The following GABRG3 variants were observed in gnomAD, a reference collection of about 807,000 sequenced individuals.
GABRG3 encodes gamma-aminobutyric acid receptor subunit gamma-3.
A neutral mutation model predicts 48.8 loss-of-function variants in GABRG3; 25 were observed. That is an observed-to-expected ratio of 0.51 (90% CI 0.37 to 0.72). The LOEUF is 0.72. GABRG3 is among the 30% of genes least tolerant of loss of function. GABRG3 has a pLI of 0.00. For missense variants in GABRG3, 394 were observed against 577.9 expected, an observed-to-expected ratio of 0.68 and a Z score of 3.26; for synonymous variants, 227 against 217.6, an observed-to-expected ratio of 1.04 and a Z score of -0.38.
intron 7 of GABRG3, among the ~76,000 whole-genome samples, chr15:27,525,352 T>A (rs1182903486): frequency 6.6e-6 from 1 of 152,204 alleles, no homozygotes; most frequent in Non-Finnish European, 1.5e-5. Flanking sequence ...AAGCATCCTA[T>A]ATGTACTAGA....
intron 5 of GABRG3, among the ~76,000 whole-genome samples, chr15:27,465,171 A>G (rs979230814): frequency 8.5e-5 from 13 of 152,176 alleles, no homozygotes; most frequent in African/African-American, 2.7e-4. Context: ...TCCCCTTGCC[A>G]CGTCAGCCCA....
intron 2 of GABRG3, 57 bp from the exon 3 acceptor site, chr15:27,026,697 C>A: frequency 1.5e-6 from 2 of 1,294,434 alleles, no homozygotes; most frequent in South Asian, 1.3e-5. Flanking sequence ...CTTGAATGTG[C>A]TCTCCTCTGT....
intron 5 of GABRG3, among the ~76,000 whole-genome samples, chr15:27,459,062 T>TCCCCAGAAATACTTC (rs572229215): frequency 1.2e-3 from 181 of 152,278 alleles, no homozygotes; most frequent in African/African-American, 4.2e-3. Flanking sequence ...TCTCCACCTT[T>TCCCCAGAAATACTTC]CCCCAGAAAT....
intron 6 of GABRG3, among the ~76,000 whole-genome samples, chr15:27,487,126 AC>A (rs1301562534): frequency 2.0e-5 from 3 of 152,102 alleles, no homozygotes; most frequent in Admixed American, 6.6e-5. Flanking sequence ...AATCTTTCAA[AC>A]CCACTGTGAG....
chr15:27,117,867 G>A (rs1897669255), intron 3 of GABRG3, among the ~76,000 whole-genome samples: 1 of 152,190 alleles, frequency 6.6e-6, no homozygotes, highest in South Asian at 2.1e-4. Flanking sequence ...ATGCCCTCTA[G>A]AGAAAGGGGC....
At chr15:27,042,681 C>T (rs17562214) in intron 3 of GABRG3, among the ~76,000 whole-genome samples, 34,845 of 152,244 alleles carry the variant, frequency 0.23, 4,334 homozygotes, top group Middle Eastern at 0.36. Context: ...CCCAAACTCC[C>T]GGTGCCTGGG....
At chr15:27,303,752 G>A (rs1892294598) in intron 3 of GABRG3, among the ~76,000 whole-genome samples, 2 of 148,912 alleles carry the variant, frequency 1.3e-5, no homozygotes, top group South Asian at 2.1e-4. Flanking sequence ...ATCCGTGTGT[G>A]TATATATATA....
At position 26,971,730 on chromosome 15, in the gene GABRG3, T is replaced by C. The variant is rs74006541; in HGVS notation, c.53+142T>C. 3,959 of 891,314 alleles carry C rather than the reference T, an allele frequency of 4.4e-3. 129 individuals carry two copies. In the African/African-American group the frequency reaches 0.064, roughly 14 times the overall value. 55.2% of individuals were successfully genotyped at this position (891,314 alleles called of 1,614,324 possible). A position where few individuals can be genotyped will look rare whatever the true frequency, so the allele number is the denominator to read the frequency against. ...GGCCGGGAGGGGACTGGGAAGTCGG[T>C]CTGCACCTCACCTGTCCCAGCTCCC... On this transcript the variant is annotated intron_variant, in intron 1 of 9. Transcript: ENST00000615808.
intron 2 of GABRG3, among the ~76,000 whole-genome samples, chr15:26,989,788 C>T (rs1895214945): frequency 6.6e-6 from 1 of 152,110 alleles, no homozygotes; most frequent in Non-Finnish European, 1.5e-5. Flanking sequence ...CCTCACCACC[C>T]TTCCCAGCCT....
intron 5 of GABRG3, among the ~76,000 whole-genome samples, chr15:27,334,721 A>G (rs1374411983): frequency 1.3e-5 from 2 of 152,214 alleles, no homozygotes; most frequent in African/African-American, 4.8e-5. Flanking sequence ...AATAAGCTTG[A>G]ACTTATACGA....
intron 3 of GABRG3, among the ~76,000 whole-genome samples, chr15:27,197,577 G>A (rs539965945): frequency 1.1e-3 from 168 of 152,072 alleles, no homozygotes; most frequent in Non-Finnish European, 1.3e-3. Flanking sequence ...GGGTGATGTT[G>A]AGCGGTGCAT....
chr15:27,269,761 A>T (rs2140472732), intron 3 of GABRG3, among the ~76,000 whole-genome samples: 1 of 152,330 alleles, frequency 6.6e-6, no homozygotes, highest in Non-Finnish European at 1.5e-5. Context: ...AGGATCATGT[A>T]TCAAAAGGCA....
chr15:27,207,672 AAGG>A (rs1295545064), intron 3 of GABRG3, among the ~76,000 whole-genome samples: 6 of 152,196 alleles, frequency 3.9e-5, no homozygotes, highest in Non-Finnish European at 7.3e-5. Context: ...CAGATGTGGT[AAGG>A]AGAAGAGCCT....
chr15:27,280,518 G>A (rs543290453), intron 3 of GABRG3: 19 of 152,108 alleles, frequency 1.2e-4, no homozygotes, highest in African/African-American at 4.6e-4. Flanking sequence ...AGTTTGATAT[G>A]TTTTTTATGT....
At position 27,480,720 on chromosome 15, in the gene GABRG3, A is replaced by G; in HGVS notation, c.645A>G (p.Ser215=). The change falls in exon 6 of 10, where the codon TCA becomes TCG. Residue 215 remains serine, a synonymous_variant. Coordinates refer to ENST00000615808, the MANE Select transcript of GABRG3 (RefSeq NM_033223.5). ...KNSVEAADQK[S]WRLYQFDFMG... ...CAGTGGAGGCAGCTGACCAGAAATC[A>G]TGGCGGCTTTATCAGTTTGACTTCA... 1.2e-6 allele frequency: 2 copies of G among 1,613,638 alleles called. No individual in the cohort carries two copies. Among genetic ancestry groups the G allele is most frequent in the Non-Finnish European group, 1.7e-6 (2 of 1,179,750 alleles).
At chr15:27,442,378 G>A (rs193003873) in intron 5 of GABRG3, among the ~76,000 whole-genome samples, 34 of 152,370 alleles carry the variant, frequency 2.2e-4, no homozygotes, top group Non-Finnish European at 3.7e-4. Context: ...CAGTTCTGAG[G>A]AGAAGCTGGC....
chr15:27,528,132 T>C, intron 9 of GABRG3, 140 bp downstream of exon 9: 1 of 675,612 alleles, frequency 1.5e-6, no homozygotes, highest in Admixed American at 2.9e-5. Context: ...AAAATGTGTT[T>C]AGTATTAGGT....
chr15:27,026,277 G>C (rs1895981576), intron 2 of GABRG3, among the ~76,000 whole-genome samples: 1 of 152,130 alleles, frequency 6.6e-6, no homozygotes, highest in Non-Finnish European at 1.5e-5. Context: ...ACTTTGCCTT[G>C]AGTTGCTTTG....
chr15:27,208,701 C>A (rs1888961769), intron 3 of GABRG3: 1 of 152,550 alleles, frequency 6.6e-6, no homozygotes, highest in East Asian at 1.9e-4. Context: ...GCCCTTTTGT[C>A]CTTTTTAATT....
Sources: allele counts gnomAD v4.1 joint callset (sites outside exome capture counted in the v4.1 genomes callset), GRCh38; gene constraint gnomAD v4.1.1; transcripts MANE v1.5; gene names NCBI Gene and HGNC (gene_info 2026-07-23, HGNC 2026-07-21).